FSHR: variants seen among roughly 807,000 people sequenced by gnomAD.
FSHR encodes the protein follicle-stimulating hormone receptor.
Under a neutral mutation model 52.1 loss-of-function variants are expected in FSHR, and 46 were observed. That is an observed-to-expected ratio of 0.88 (90% CI 0.70 to 1.13). The LOEUF (loss-of-function observed/expected upper bound fraction) is 1.13, where lower values mean the gene tolerates loss of function less well. Among genes scored for constraint, FSHR ranks in the 50% most tolerant of loss-of-function variants. The pLI, the probability that FSHR is intolerant of heterozygous loss-of-function variation, is 0.00. For synonymous variants in FSHR, 399 were observed against 309.6 expected (o/e 1.29, Z -3.03); for missense variants, 964 against 834.6 (o/e 1.16, Z -1.91).
At chr2:48,972,613 C>G (rs1274764623) in intron 8 of FSHR, among the ~76,000 whole-genome samples, 1 of 152,140 alleles carries the variant, frequency 6.6e-6, no homozygotes, top group Non-Finnish European at 1.5e-5. Flanking sequence ...GAGTTCTTAT[C>G]TGTCATTTGG....
Position 48,988,997 on chromosome 2 carries a change from C to T in FSHR, c.504G>A (p.Leu168=), listed in dbSNP as rs746445083. 4.3e-6 allele frequency: 7 copies of T among 1,613,834 alleles called. No homozygotes were observed. The African/African-American group carries it at 9.3e-5, about 22-fold the overall frequency. The change falls in exon 6 of 10, where the codon CTG becomes CTA. Residue 168 remains leucine, a synonymous_variant. Transcript: ENST00000406846. ...CTTACAGAATCACACTTTCAAAGCT[C>T]AGCCCCACGAAAGAATTTCTTTCAA... The part of the protein sequence containing the change: ...HTIERNSFVG[L]SFESVILWLN...
chr2:48,995,005 G>A (rs1378411919), intron 4 of FSHR, among the ~76,000 whole-genome samples: 2 of 152,120 alleles, frequency 1.3e-5, no homozygotes, highest in Non-Finnish European at 2.9e-5. Flanking sequence ...TCTGCCATAG[G>A]ATAATATGCT....
At chr2:48,992,152 T>A (rs1675811963) in intron 4 of FSHR, among the ~76,000 whole-genome samples, 1 of 152,144 alleles carries the variant, frequency 6.6e-6, no homozygotes, top group South Asian at 2.1e-4. Context: ...GAGGTTCTTT[T>A]TTGAAGGATT....
intron 2 of FSHR, among the ~76,000 whole-genome samples, chr2:49,061,292 CT>C (rs1669278514): frequency 6.6e-6 from 1 of 151,994 alleles, no homozygotes; most frequent in African/African-American, 2.4e-5. Context: ...TAAGTATATG[CT>C]GCTGATATGA....
At chr2:49,101,066 T>C (rs1053347171) in intron 1 of FSHR, among the ~76,000 whole-genome samples, 1 of 152,150 alleles carries the variant, frequency 6.6e-6, no homozygotes, top group Non-Finnish European at 1.5e-5. Context: ...TGAGAGGTCA[T>C]TGGTGACTTT....
intron 1 of FSHR, among the ~76,000 whole-genome samples, chr2:49,143,766 T>C (rs1672774239): frequency 1.3e-5 from 2 of 152,276 alleles, no homozygotes; most frequent in South Asian, 2.1e-4. Context: ...TATATTCCTC[T>C]ACTTTGCAAG....
At chr2:48,976,672 T>C (rs1259660804) in intron 8 of FSHR, among the ~76,000 whole-genome samples, 1 of 152,184 alleles carries the variant, frequency 6.6e-6, no homozygotes, top group Non-Finnish European at 1.5e-5. Context: ...TTGTTATTGG[T>C]CTATTCAGGG....
intron 9 of FSHR, among the ~76,000 whole-genome samples, chr2:48,965,949 C>T (rs1167667673): frequency 2.6e-5 from 4 of 152,168 alleles, no homozygotes; most frequent in Non-Finnish European, 5.9e-5. Flanking sequence ...GAAAAAGTGG[C>T]ACTCTTGGAC....
At chr2:49,043,044 G>A (rs1356955169) in intron 2 of FSHR, among the ~76,000 whole-genome samples, 1 of 152,192 alleles carries the variant, frequency 6.6e-6, no homozygotes, top group African/African-American at 2.4e-5. Context: ...AACCAAGCTT[G>A]AGAATAGCCA....
rs1667636136 is a variant in FSHR, at chr2:49,020,114, A to G, written c.271T>C (p.Phe91Leu). ...TCATGTAATTTGGGAAGGTTGGAGA[A>G]CACATCTGCCTCTATCACCTCCAAG... ...DVLEVIEADV[F>L]SNLPKLHEIR... Residue 91 changes from phenylalanine (F) to leucine (L), a missense_variant, in exon 3 of 10, where the codon TTC (phenylalanine) becomes CTC (leucine). By Grantham distance (22) the Phe-to-Leu change is conservative (BLOSUM62 0). Coordinates refer to ENST00000406846, the MANE Select transcript of FSHR (RefSeq NM_000145.4). 2 of 1,613,680 alleles carry G rather than the reference A, an allele frequency of 1.2e-6. No homozygotes were observed. Among genetic ancestry groups the G allele is most frequent in the South Asian group, 1.1e-5 (1 of 91,088 alleles).
At chr2:49,083,416 C>T (rs1380560893) in intron 1 of FSHR, among the ~76,000 whole-genome samples, 4 of 151,534 alleles carry the variant, frequency 2.6e-5, no homozygotes, top group African/African-American at 4.9e-5. Flanking sequence ...ACCATCGAGA[C>T]TAGGAAGAAA....
chr2:49,150,605 G>A (rs1673028347), intron 1 of FSHR, among the ~76,000 whole-genome samples: 2 of 152,002 alleles, frequency 1.3e-5, no homozygotes, highest in Admixed American at 1.3e-4. Flanking sequence ...AGATAACAGA[G>A]CTAAAATTTA....
chr2:49,089,044 G>A (rs1670501550), intron 1 of FSHR, among the ~76,000 whole-genome samples: 2 of 150,622 alleles, frequency 1.3e-5, no homozygotes, highest in Non-Finnish European at 2.9e-5. Flanking sequence ...TCAGAGAAAA[G>A]TGAAGAAGAC....
chr2:48,997,981 G>T (rs1003397172), intron 4 of FSHR, among the ~76,000 whole-genome samples: 7 of 151,996 alleles, frequency 4.6e-5, no homozygotes, highest in Non-Finnish European at 1.0e-4. Flanking sequence ...AAACCTGCCT[G>T]GATCAACCTT....
At chr2:49,139,598 AT>A (rs35872152) in intron 1 of FSHR, among the ~76,000 whole-genome samples, 62,530 of 138,944 alleles carry the variant, frequency 0.45, 13,448 homozygotes, top group East Asian at 0.69. Flanking sequence ...ACTTCCAAGA[AT>A]TTTTTTTTTT....
At chr2:49,026,082 C>T (rs1379889675) in intron 2 of FSHR, among the ~76,000 whole-genome samples, 2 of 152,166 alleles carry the variant, frequency 1.3e-5, no homozygotes, top group African/African-American at 4.8e-5. Flanking sequence ...CTTCCCAGAT[C>T]TGCTTCCTTC....
intron 1 of FSHR, among the ~76,000 whole-genome samples, chr2:49,115,656 G>T (rs1199297114): frequency 6.6e-6 from 1 of 152,082 alleles, no homozygotes; most frequent in Non-Finnish European, 1.5e-5. Flanking sequence ...ATGCTCTATT[G>T]TATCATGACA....
At chr2:49,112,605 G>A (rs1291350834) in intron 1 of FSHR, among the ~76,000 whole-genome samples, 1 of 152,164 alleles carries the variant, frequency 6.6e-6, no homozygotes, top group Non-Finnish European at 1.5e-5. Flanking sequence ...AAGTCTTTAA[G>A]CAGAAGTAGC....
chr2:49,044,816 A>G (rs575345619), intron 2 of FSHR, among the ~76,000 whole-genome samples: 25 of 152,158 alleles, frequency 1.6e-4, no homozygotes, highest in Non-Finnish European at 3.4e-4. Flanking sequence ...CATAATGGCT[A>G]TATTTAGACT....
Sources: gnomAD v4.1 joint callset for allele counts (sites outside exome capture counted in the v4.1 genomes callset) on GRCh38, gnomAD v4.1.1 for gene constraint, MANE v1.5 for transcripts, NCBI Gene and HGNC (gene_info 2026-07-23, HGNC 2026-07-21) for gene names.